Variants in SH3KBP1 observed in about 807,000 individuals in gnomAD.
SH3KBP1 encodes the protein SH3 domain containing kinase binding protein 1.
Under a neutral mutation model 50.1 loss-of-function variants are expected in SH3KBP1, and 8 were observed. That is an observed-to-expected ratio of 0.16 (90% CI 0.09 to 0.29). SH3KBP1 has a LOEUF of 0.29. Ranked by LOEUF, SH3KBP1 falls within the 10% of genes least tolerant of loss-of-function variation. The pLI is 1.00. For synonymous variants in SH3KBP1, 227 were observed against 218.6 expected (o/e 1.04, Z -0.34); for missense variants, 377 against 535.2 (o/e 0.70, Z 2.92).
chrX:19,684,643 C>T (rs764108565), intron 5 of SH3KBP1, among the ~76,000 whole-genome samples: 7 of 112,355 alleles, frequency 6.2e-5, no homozygotes, highest in Non-Finnish European at 9.4e-5. Context: ...GACATTAAGA[C>T]GGTTTCACTA....
At chrX:19,828,444 G>A (rs747680085) in intron 2 of SH3KBP1, among the ~76,000 whole-genome samples, 3 of 111,770 alleles carry the variant, frequency 2.7e-5, no homozygotes, top group East Asian at 2.8e-4. Context: ...AGGCCAAGGC[G>A]GGAGGATCAC....
chrX:19,541,155 G>A (rs958540830), intron 16 of SH3KBP1, among the ~76,000 whole-genome samples: 23 of 112,071 alleles, frequency 2.1e-4, no homozygotes, highest in African/African-American at 7.1e-4. Flanking sequence ...GACCTCAGGT[G>A]ATTCACCTGC....
At chrX:19,662,819 C>CT (rs754310237) in intron 6 of SH3KBP1, among the ~76,000 whole-genome samples, 344 of 91,595 alleles carry the variant, frequency 3.8e-3, no homozygotes, top group Non-Finnish European at 4.5e-3. Context: ...CCAGGACTGA[C>CT]TTTTTTTTTT....
intron 8 of SH3KBP1, among the ~76,000 whole-genome samples, chrX:19,616,877 C>T (rs1229927450): frequency 9.0e-6 from 1 of 111,582 alleles, no homozygotes; most frequent in African/African-American, 3.3e-5. Context: ...TCTCCCATTA[C>T]TGGTGATCTC....
chrX:19,587,557 C>T lies in SH3KBP1; in HGVS notation c.1298+1086G>A, dbSNP rs539028707. Among the ~76,000 whole-genome samples, 15 of 112,098 alleles carry T rather than the reference C, an allele frequency of 1.3e-4. No homozygotes were observed. The South Asian group carries it at 3.3e-3, about 25-fold the overall frequency. On this transcript the variant is annotated intron_variant, in intron 12 of 17. Transcript: ENST00000397821. ...ATGAGCTCTTTTTGTCTTACTGCAG[C>T]GTGCCCAATTCAATAGGCAATAATC...
At chrX:19,652,719 A>T (rs927714528) in intron 6 of SH3KBP1, among the ~76,000 whole-genome samples, 6 of 112,054 alleles carry the variant, frequency 5.4e-5, no homozygotes, top group African/African-American at 1.9e-4. Flanking sequence ...CAGAATTCCT[A>T]CTTCTTGTGA....
chrX:19,788,357 G>A (rs2066427318), intron 2 of SH3KBP1, among the ~76,000 whole-genome samples: 1 of 107,414 alleles, frequency 9.3e-6, no homozygotes, highest in South Asian at 4.1e-4. Context: ...GCCATGTGAA[G>A]ATGAAGACAG....
chrX:19,790,000 C>T (rs147641855), intron 2 of SH3KBP1, among the ~76,000 whole-genome samples: 5,940 of 109,530 alleles, frequency 0.054, 407 homozygotes, highest in African/African-American at 0.19. Flanking sequence ...TGTCAGCCCT[C>T]GGGGCTCAAG....
At chrX:19,719,934 C>T (rs1232376963) in intron 3 of SH3KBP1, among the ~76,000 whole-genome samples, 1 of 108,766 alleles carries the variant, frequency 9.2e-6, no homozygotes, top group Admixed American at 9.9e-5. Context: ...AAGAGACAAA[C>T]GGCCCAACTC....
intron 6 of SH3KBP1, among the ~76,000 whole-genome samples, chrX:19,665,866 T>C (rs1243491399): frequency 8.9e-6 from 1 of 112,008 alleles, no homozygotes; most frequent in African/African-American, 3.3e-5. Flanking sequence ...GGCTAGAATA[T>C]CATTTTACAA....
intron 8 of SH3KBP1, among the ~76,000 whole-genome samples, chrX:19,619,013 C>T (rs770469398): frequency 1.7e-3 from 181 of 108,346 alleles, no homozygotes; most frequent in Non-Finnish European, 2.9e-3. Flanking sequence ...CGGTGACTCA[C>T]GCCTGTAATC....
intron 2 of SH3KBP1, among the ~76,000 whole-genome samples, chrX:19,748,462 G>A (rs2064980487): frequency 9.0e-6 from 1 of 111,197 alleles, no homozygotes; most frequent in South Asian, 3.8e-4. Flanking sequence ...AGGAAGGACT[G>A]GGTCTGATCA....
At chrX:19,735,062 C>T (rs2064507206) in intron 3 of SH3KBP1, among the ~76,000 whole-genome samples, 1 of 112,176 alleles carries the variant, frequency 8.9e-6, no homozygotes, top group African/African-American at 3.2e-5. Flanking sequence ...TCCAAAGTGG[C>T]TGTACCATTT....
At chrX:19,554,054 TATTATATATATTAAAATAC>T (rs1164873669) in intron 13 of SH3KBP1, among the ~76,000 whole-genome samples, 6 of 63,705 alleles carry the variant, frequency 9.4e-5, no homozygotes, top group East Asian at 4.0e-4. Context: ...TATTAAAATA[TATTATATATATTAAAATAC>T]ATTATATATA....
intron 2 of SH3KBP1, among the ~76,000 whole-genome samples, chrX:19,834,167 C>T (rs1051538066): frequency 2.7e-5 from 3 of 112,291 alleles, no homozygotes; most frequent in Non-Finnish European, 3.8e-5. Flanking sequence ...TATTCATTTT[C>T]GACTCTGAAA....
intron 10 of SH3KBP1, among the ~76,000 whole-genome samples, chrX:19,593,910 G>A (rs1195822121): frequency 8.9e-6 from 1 of 112,109 alleles, no homozygotes; most frequent in African/African-American, 3.2e-5. Context: ...ACTGCTCAAT[G>A]CAAACAAGGA....
At chrX:19,653,673 T>C (rs2062187017) in intron 6 of SH3KBP1, among the ~76,000 whole-genome samples, 1 of 109,377 alleles carries the variant, frequency 9.1e-6, no homozygotes, top group Admixed American at 9.9e-5. Flanking sequence ...ATCACACCAC[T>C]GCACTCCAGC....
At chrX:19,771,864 CA>C (rs11457525) in intron 2 of SH3KBP1, among the ~76,000 whole-genome samples, 118 of 73,126 alleles carry the variant, frequency 1.6e-3, no homozygotes, top group African/African-American at 4.9e-3. Flanking sequence ...AACTCCGTCT[CA>C]AAAAAAAAAA....
intron 10 of SH3KBP1, among the ~76,000 whole-genome samples, chrX:19,592,457 A>C (rs1384165800): frequency 8.9e-6 from 1 of 111,943 alleles, no homozygotes; most frequent in East Asian, 2.8e-4. Context: ...GTGGGGGTGG[A>C]GAATGTGTAT....
Sources: allele counts gnomAD v4.1 joint callset (sites outside exome capture counted in the v4.1 genomes callset), GRCh38; gene constraint gnomAD v4.1.1; transcripts MANE v1.5; gene names NCBI Gene and HGNC (gene_info 2026-07-23, HGNC 2026-07-21).